ANO3: variants seen among roughly 807,000 people sequenced by gnomAD.
ANO3 encodes anoctamin-3.
In ANO3, 99 loss-of-function variants were observed where a neutral mutation model predicts 144.8. The ratio of observed to expected loss-of-function variants is 0.68; its 90% CI spans 0.58 to 0.81. The LOEUF (loss-of-function observed/expected upper bound fraction) is 0.81. Among genes scored for constraint, ANO3 ranks in the 30% least tolerant of loss-of-function variants. The pLI, the probability that ANO3 is intolerant of heterozygous loss-of-function variation, is 0.00. For synonymous variants in ANO3, 414 were observed against 392.6 expected, an observed-to-expected ratio of 1.05 and a Z score of -0.64; for missense variants, 905 against 1,202.2, an observed-to-expected ratio of 0.75 and a Z score of 3.66.
intron 17 of ANO3, among the ~76,000 whole-genome samples, chr11:26,602,603 A>T (rs1313633219): frequency 2.5e-4 from 13 of 52,538 alleles, no homozygotes; most frequent in South Asian, 6.7e-4. Context: ...TTTTTTTTTT[A>T]AAGCCAAGTG....
At chr11:26,423,716 G>A (rs1295612435) in intron 1 of ANO3, among the ~76,000 whole-genome samples, 2 of 151,872 alleles carry the variant, frequency 1.3e-5, no homozygotes, top group African/African-American at 4.8e-5. Context: ...CTTTGCTTTA[G>A]CTCCATGGTT....
At chr11:26,483,459 A>C (rs1860309680) in intron 4 of ANO3, among the ~76,000 whole-genome samples, 1 of 152,080 alleles carries the variant, frequency 6.6e-6, no homozygotes, top group Admixed American at 6.5e-5. Flanking sequence ...ATGAGTTCTC[A>C]TGAGATCTGG....
Position 26,534,990 on chromosome 11 carries a change from TTTA to T in ANO3, c.976+431_976+433del, listed in dbSNP as rs1849468489. 2.1e-4 allele frequency among the ~76,000 whole-genome samples: 3 copies of T among 13,968 alleles called. No homozygotes were observed. In the Admixed American group the frequency reaches 3.7e-3, roughly 17 times the overall value. The allele number at this position is 13,968 out of a possible 152,430, so 9.2% of individuals were successfully genotyped here. A position where few individuals can be genotyped will look rare whatever the true frequency, so the allele number is the denominator to read the frequency against. ...TACATTCATTAAAAGTTATGTTTCA[TTTA>T]TTTACTCTTATTTTAACATAAAAAT... On this transcript the variant is annotated intron_variant, in intron 9 of 26. Transcript: ENST00000256737.
At chr11:26,598,265 C>A (rs1029748945) in intron 14 of ANO3, 100 bp from the exon 15 acceptor site, 2 of 513,120 alleles carry the variant, frequency 3.9e-6, no homozygotes, top group Non-Finnish European at 6.2e-6. Flanking sequence ...TTATTATTTT[C>A]ATAATTTAAT....
At chr11:26,559,578 G>T (rs751999694) in intron 13 of ANO3, 141 bp from the exon 14 acceptor site, 24 of 625,822 alleles carry the variant, frequency 3.8e-5, no homozygotes, top group African/African-American at 7.4e-5. Flanking sequence ...CCCATGAAAG[G>T]AATTCATATA....
At chr11:26,293,541 A>G (rs371589771) in intron 1 of ANO3, among the ~76,000 whole-genome samples, 3 of 105,560 alleles carry the variant, frequency 2.8e-5, no homozygotes, top group African/African-American at 1.1e-4. Flanking sequence ...ATGTATATAT[A>G]TATATATATA....
chr11:26,631,454 A>C (rs966948063), intron 18 of ANO3, among the ~76,000 whole-genome samples: 1 of 152,152 alleles, frequency 6.6e-6, no homozygotes, highest in African/African-American at 2.4e-5. Context: ...AAGATGAAAC[A>C]AATCATTAAA....
chr11:26,236,423 C>T (rs2133806902), intron 1 of ANO3, among the ~76,000 whole-genome samples: 1 of 121,464 alleles, frequency 8.2e-6, no homozygotes. Flanking sequence ...CTTTTTTGGC[C>T]TCCAAACAGT....
intron 14 of ANO3, chr11:26,563,257 T>C (rs921253630): frequency 1.3e-5 from 21 of 1,596,716 alleles, no homozygotes; most frequent in Non-Finnish European, 1.8e-5. Context: ...ATTCCTGTAT[T>C]TCTATTTTCT....
chr11:26,294,362 C>A (rs1468153252), intron 1 of ANO3, among the ~76,000 whole-genome samples: 3 of 152,204 alleles, frequency 2.0e-5, no homozygotes, highest in East Asian at 1.9e-4. Flanking sequence ...ATCACAGGAT[C>A]TTCAAAATAG....
chr11:26,324,474 A>G (rs1033491616), intron 1 of ANO3, among the ~76,000 whole-genome samples: 2 of 152,238 alleles, frequency 1.3e-5, no homozygotes, highest in Non-Finnish European at 2.9e-5. Context: ...TTAGCTGACT[A>G]CTAAGAAATT....
intron 1 of ANO3, among the ~76,000 whole-genome samples, chr11:26,424,976 G>A (rs1012660183): frequency 1.3e-5 from 2 of 151,934 alleles, no homozygotes; most frequent in African/African-American, 4.8e-5. Context: ...CCATGTTGAT[G>A]TGCTGCACCC....
intron 4 of ANO3, among the ~76,000 whole-genome samples, chr11:26,503,649 A>C (rs1326185062): frequency 6.6e-6 from 1 of 152,106 alleles, no homozygotes; most frequent in East Asian, 1.9e-4. Flanking sequence ...TTTATATAAT[A>C]ATTAAAAATT....
intron 1 of ANO3, among the ~76,000 whole-genome samples, chr11:26,431,566 C>A (rs1048361144): frequency 6.6e-5 from 10 of 152,154 alleles, no homozygotes; most frequent in Non-Finnish European, 1.0e-4. Context: ...CACCCTCCAC[C>A]CTCAAATAGA....
chr11:26,240,478 GCTGAAAA>G (rs1852639340), intron 1 of ANO3, among the ~76,000 whole-genome samples: 3 of 152,132 alleles, frequency 2.0e-5, no homozygotes, highest in African/African-American at 7.2e-5. Flanking sequence ...GTATGTGAAA[GCTGAAAA>G]CTGTATTAAG....
At chr11:26,217,687 T>C (rs1436410852) in intron 1 of ANO3, among the ~76,000 whole-genome samples, 2 of 152,126 alleles carry the variant, frequency 1.3e-5, no homozygotes, top group African/African-American at 2.4e-5. Context: ...GTATATGTTC[T>C]AAAAGTATTT....
intron 1 of ANO3, among the ~76,000 whole-genome samples, chr11:26,409,523 T>C (rs1379528903): frequency 6.6e-6 from 1 of 151,918 alleles, no homozygotes; most frequent in East Asian, 1.9e-4. Context: ...CCTTATACAG[T>C]TTCGTGACCT....
At chr11:26,613,437 C>T (rs183114628) in intron 17 of ANO3, among the ~76,000 whole-genome samples, 70 of 152,230 alleles carry the variant, frequency 4.6e-4, no homozygotes, top group Non-Finnish European at 8.7e-4. Flanking sequence ...TTGTATCTCA[C>T]TGCATTTTCT....
intron 1 of ANO3, among the ~76,000 whole-genome samples, chr11:26,232,919 C>G (rs1852432533): frequency 6.6e-6 from 1 of 152,090 alleles, no homozygotes; most frequent in African/African-American, 2.4e-5. Context: ...CTACAAGGAA[C>G]TTAAATAAAT....
Sources: allele counts gnomAD v4.1 joint callset (sites outside exome capture counted in the v4.1 genomes callset), GRCh38; gene constraint gnomAD v4.1.1; transcripts MANE v1.5; gene names NCBI Gene and HGNC (gene_info 2026-07-23, HGNC 2026-07-21).